Variants in KCNH8 observed in about 807,000 individuals in gnomAD.
KCNH8 encodes the protein voltage-gated delayed rectifier potassium channel KCNH8.
A neutral mutation model predicts 103.6 loss-of-function variants in KCNH8; 70 were observed. The ratio of observed to expected loss-of-function variants is 0.68; its 90% confidence interval spans 0.56 to 0.82. KCNH8 has a LOEUF of 0.82. Among genes scored for constraint, KCNH8 ranks in the 40% least tolerant of loss-of-function variants. The probability of loss-of-function intolerance (pLI) is 0.00; values close to 1 mark genes in which losing one functional copy is unlikely to be tolerated. For missense variants in KCNH8, 1,217 were observed against 1,329.9 expected (o/e 0.92, Z 1.32); for synonymous variants, 498 against 489.4 (o/e 1.02, Z -0.23).
At chr3:19,461,143 TA>T (rs2067620149) in intron 11 of KCNH8, among the ~76,000 whole-genome samples, 1 of 152,172 alleles carries the variant, frequency 6.6e-6, no homozygotes. Context: ...GTTACTTCAT[TA>T]TGGCTGGAAC....
intron 3 of KCNH8, among the ~76,000 whole-genome samples, chr3:19,333,249 A>G (rs779497505): frequency 6.6e-6 from 1 of 152,106 alleles, no homozygotes; most frequent in Non-Finnish European, 1.5e-5. Context: ...TTCTACATCT[A>G]AGTCCTTTGT....
At chr3:19,191,644 A>G (rs1031538545) in intron 1 of KCNH8, among the ~76,000 whole-genome samples, 1 of 151,690 alleles carries the variant, frequency 6.6e-6, no homozygotes, top group Admixed American at 6.6e-5. Flanking sequence ...TTCAATATCT[A>G]ATCAATACAC....
chr3:19,532,371 C>T (rs1456830455), intron 15 of KCNH8, among the ~76,000 whole-genome samples: 2 of 152,168 alleles, frequency 1.3e-5, no homozygotes, highest in African/African-American at 4.8e-5. Flanking sequence ...ACTTACGCAC[C>T]TTGCAGGTCT....
chr3:19,526,841 A>G (rs1181487077), intron 15 of KCNH8, among the ~76,000 whole-genome samples: 1 of 152,022 alleles, frequency 6.6e-6, no homozygotes, highest in Admixed American at 6.6e-5. Flanking sequence ...GAAAATAACA[A>G]AAAGTCATAA....
At chr3:19,252,147 T>C (rs1023006462) in intron 1 of KCNH8, among the ~76,000 whole-genome samples, 1 of 152,152 alleles carries the variant, frequency 6.6e-6, no homozygotes, top group Non-Finnish European at 1.5e-5. Context: ...TTTGAATGCC[T>C]TATCTTAAAC....
intron 1 of KCNH8, among the ~76,000 whole-genome samples, chr3:19,240,130 T>C (rs1403257264): frequency 6.6e-6 from 1 of 152,212 alleles, no homozygotes; most frequent in Non-Finnish European, 1.5e-5. Flanking sequence ...TTTACTCACT[T>C]TCCGCTTTCT....
intron 11 of KCNH8, among the ~76,000 whole-genome samples, chr3:19,489,850 G>A (rs1025176942): frequency 6.6e-6 from 1 of 152,154 alleles, no homozygotes; most frequent in African/African-American, 2.4e-5. Flanking sequence ...AAAGTATCAA[G>A]CAATCCAAGT....
At chr3:19,182,729 T>G (rs562979583) in intron 1 of KCNH8, among the ~76,000 whole-genome samples, 1 of 152,152 alleles carries the variant, frequency 6.6e-6, no homozygotes, top group Admixed American at 6.5e-5. Flanking sequence ...GCCTTATGAG[T>G]GAGCGTAAGT....
At chr3:19,418,183 A>G (rs6779105) in intron 7 of KCNH8, among the ~76,000 whole-genome samples, 115,621 of 152,076 alleles carry the variant, frequency 0.76, 44,973 homozygotes, top group African/African-American at 0.94. Context: ...ATAAATGCAT[A>G]AAAGAAGGAA....
At chr3:19,260,492 A>T (rs1391747062) in intron 2 of KCNH8, among the ~76,000 whole-genome samples, 1 of 17,748 alleles carries the variant, frequency 5.6e-5, no homozygotes, top group East Asian at 1.7e-3. Context: ...TATAGGATAT[A>T]TATATATATA....
chr3:19,293,946 T>C (rs1453584673), intron 3 of KCNH8, among the ~76,000 whole-genome samples: 3 of 152,202 alleles, frequency 2.0e-5, no homozygotes, highest in African/African-American at 7.2e-5. Flanking sequence ...TCTTGCTGTT[T>C]CAAAGTAACC....
chr3:19,210,390 A>C (rs1474283410), intron 1 of KCNH8, among the ~76,000 whole-genome samples: 3 of 152,122 alleles, frequency 2.0e-5, no homozygotes, highest in African/African-American at 7.2e-5. Flanking sequence ...TGGGATGATT[A>C]ACATCCTAAT....
chr3:19,240,314 T>A (rs1216076325), intron 1 of KCNH8, among the ~76,000 whole-genome samples: 2 of 152,130 alleles, frequency 1.3e-5, no homozygotes, highest in African/African-American at 2.4e-5. Context: ...GCTATCATCC[T>A]TAAACTTCAG....
At chr3:19,369,820 C>T (rs1054731224) in intron 5 of KCNH8, among the ~76,000 whole-genome samples, 2 of 151,964 alleles carry the variant, frequency 1.3e-5, no homozygotes, top group African/African-American at 4.8e-5. Flanking sequence ...CACCTCCTAA[C>T]CACCTATTTT....
chr3:19,195,118 A>G lies in KCNH8; in HGVS notation c.76+46323A>G, dbSNP rs1020816193. ...AAATTTTTCCCTGACCCTCAGCTATAGTATAGGAACACTTGAAAAAAACCT... is the reference window on the plus strand; with the variant it reads ...AAATTTTTCCCTGACCCTCAGCTATGGTATAGGAACACTTGAAAAAAACCT... On this transcript the variant is annotated intron_variant, in intron 1 of 15. Coordinates refer to ENST00000328405, the MANE Select transcript of KCNH8 (RefSeq NM_144633.3). 2.0e-5 allele frequency among the ~76,000 whole-genome samples: 3 copies of G among 151,836 alleles called. No individual in the cohort carries two copies. In the East Asian group the frequency reaches 5.8e-4, roughly 29 times the overall value.
intron 1 of KCNH8, among the ~76,000 whole-genome samples, chr3:19,217,183 C>T (rs930903446): frequency 1.3e-5 from 2 of 152,102 alleles, no homozygotes; most frequent in African/African-American, 4.8e-5. Context: ...GAGGAGAAAG[C>T]CGTCTGCTTT....
chr3:19,201,666 C>T (rs548250061), intron 1 of KCNH8, among the ~76,000 whole-genome samples: 62 of 152,124 alleles, frequency 4.1e-4, no homozygotes, highest in African/African-American at 1.5e-3. Context: ...AACCTGGGCC[C>T]CCCACCTTTA....
rs371410712 is a variant in KCNH8, at chr3:19,260,775, T to C, written c.310+6888T>C. 1.0e-4 allele frequency among the ~76,000 whole-genome samples: 15 copies of C among 148,636 alleles called. No homozygotes were observed. In the East Asian group the frequency reaches 2.8e-3, roughly 27 times the overall value. On this transcript the variant is annotated intron_variant, in intron 2 of 15. Transcript: ENST00000328405. ...CCCCAAATTTTTCTCCCCACCCCAA[T>C]GTTAACCACTGTTTTGTTCTTTGTC...
intron 3 of KCNH8, among the ~76,000 whole-genome samples, chr3:19,329,732 A>G (rs1390936031): frequency 6.6e-6 from 1 of 152,202 alleles, no homozygotes. Context: ...AGCACTAAGC[A>G]TTTCAATTCC....
Sources: allele counts gnomAD v4.1 joint callset (sites outside exome capture counted in the v4.1 genomes callset), GRCh38; gene constraint gnomAD v4.1.1; transcripts MANE v1.5; gene names NCBI Gene and HGNC (gene_info 2026-07-23, HGNC 2026-07-21).